Variants in BLK observed in about 807,000 individuals in gnomAD.
BLK encodes the protein tyrosine-protein kinase Blk.
In BLK, 64 loss-of-function variants were observed where a neutral mutation model predicts 61.8. The observed-to-expected ratio is 1.03, with a 90% CI of 0.85 to 1.27. BLK has a LOEUF of 1.27. BLK is among the 50% of genes most tolerant of loss of function. The pLI is 0.00. For synonymous variants in BLK, 351 were observed against 272.0 expected, an observed-to-expected ratio of 1.29 and a Z score of -2.86; for missense variants, 853 against 660.5, an observed-to-expected ratio of 1.29 and a Z score of -3.19.
At position 11,543,212 on chromosome 8, in the gene BLK, T is replaced by C; in HGVS notation, c.-1-12T>C. On this transcript the variant is annotated splice_polypyrimidine_tract_variant and intron_variant, in intron 1 of 12. Coordinates refer to ENST00000259089, the MANE Select transcript of BLK (RefSeq NM_001715.3). ...TCTCTCATGTCCTCTGTCTGCTGTG[T>C]GTCTCCGACAGGATGGGGCTGGTAA... 1 of 1,613,794 alleles carries C rather than the reference T, an allele frequency of 6.2e-7. No individual in the cohort carries two copies. Among genetic ancestry groups the C allele is most frequent in the South Asian group, 1.1e-5 (1 of 91,068 alleles).
rs762667744 is a variant in BLK at position 11,563,123 on chromosome 8, CCCCGCAGCTCGCGGCT to C, written c.1312+17_1312+32del. 4 of 1,613,444 alleles carry C rather than the reference CCCCGCAGCTCGCGGCT, an allele frequency of 2.5e-6. No homozygotes were observed. The highest frequency in any genetic ancestry group is 3.4e-6 in the Non-Finnish European group (4 of 1,179,970). On this transcript the variant is annotated intron_variant, in intron 12 of 12. Transcript: ENST00000259089. ...GTGCCATACCCAGGTAGGTGGCTCA[CCCCGCAGCTCGCGGCT>C]CCCTGCTTTCCCGGCCGGCCCTGAT...
chr8:11,557,878 G>A (rs1159916661), intron 9 of BLK, 84 bp from the exon 10 acceptor site: 6 of 1,246,672 alleles, frequency 4.8e-6, no homozygotes, highest in Non-Finnish European at 7.1e-6. Flanking sequence ...GCGCCCATGG[G>A]GAGCCACTCA....
intron 1 of BLK, among the ~76,000 whole-genome samples, chr8:11,534,219 T>C (rs1800017804): frequency 6.6e-6 from 1 of 152,244 alleles, no homozygotes; most frequent in South Asian, 2.1e-4. Flanking sequence ...TGATTTGATT[T>C]CTCATTTAAT....
intron 10 of BLK, among the ~76,000 whole-genome samples, chr8:11,559,175 T>G (rs1408242827): frequency 1.3e-5 from 2 of 152,144 alleles, no homozygotes; most frequent in African/African-American, 4.8e-5. Flanking sequence ...CATCGGAGTT[T>G]AATACCTGGA....
Position 11,523,335 on chromosome 8 carries a change from C to G in BLK, c.-1-19889C>G, listed in dbSNP as rs572222815. 1.8e-4 allele frequency among the ~76,000 whole-genome samples: 28 copies of G among 152,298 alleles called. 1 individual carries two copies. The South Asian group carries it at 3.3e-3, about 18-fold the overall frequency. On this transcript the variant is annotated intron_variant, in intron 1 of 12. Transcript: ENST00000259089. Reference sequence around the variant, plus strand: ...TTGAGAGACCAAGGCAGGAGGATCACTTGAAGTCAGGTGTTTGAGTACAGC... The same window carrying G: ...TTGAGAGACCAAGGCAGGAGGATCAGTTGAAGTCAGGTGTTTGAGTACAGC...
intron 4 of BLK, among the ~76,000 whole-genome samples, chr8:11,548,596 C>T (rs990507177): frequency 1.1e-4 from 16 of 152,224 alleles, no homozygotes; most frequent in African/African-American, 3.6e-4. Context: ...AGTGGCCAGG[C>T]TTGTCCTGTG....
chr8:11,545,792 T>C (rs533018256), intron 2 of BLK: 10 of 516,968 alleles, frequency 1.9e-5, no homozygotes, highest in African/African-American at 1.7e-4. Context: ...TTTCCCTCAT[T>C]GTCCACAGCT....
intron 1 of BLK, among the ~76,000 whole-genome samples, chr8:11,514,672 G>T (rs1253406616): frequency 6.6e-6 from 1 of 152,182 alleles, no homozygotes; most frequent in Non-Finnish European, 1.5e-5. Context: ...TAGCCCGTGA[G>T]CCTGCTTTCT....
chr8:11,564,195 G>A lies in BLK; in HGVS notation c.*87G>A. The A allele has an allele frequency of 6.9e-7, 1 of 1,442,060 alleles. No individual in the cohort carries two copies. Among genetic ancestry groups the A allele is most frequent in the African/African-American group, 1.4e-5 (1 of 71,324 alleles). 89.3% of individuals were successfully genotyped at this position (1,442,060 alleles called of 1,614,324 possible). ...ATCCCAGACGGGCCGCGAAGGCGGG[G>A]TGTCGCCTGTGCCCTTTTCTCAGAC... On this transcript the variant is annotated 3_prime_UTR_variant, in exon 13 of 13. Coordinates refer to ENST00000259089, the MANE Select transcript of BLK (RefSeq NM_001715.3).
rs1178740619 is a variant in BLK at position 11,557,986 on chromosome 8, C to G, written c.977C>G (p.Thr326Arg). The G allele has an allele frequency of 6.2e-7, 1 of 1,614,092 alleles. No individual in the cohort carries two copies. Among genetic ancestry groups the G allele is most frequent in the Middle Eastern group, 1.6e-4 (1 of 6,062 alleles). ...GGATGCCTGCTGGATTTCCTGAAGA[C>G]AGATGAAGGGAGCAGATTGTCACTC... ...ARGCLLDFLK[T>R]DEGSRLSLPR... The change falls in exon 10 of 13, where the codon ACA becomes AGA. Residue 326 changes from threonine (T) to arginine (R), a missense_variant. Physicochemically the swap from Thr to Arg is moderately conservative, Grantham distance 71 (BLOSUM62 -1). Coordinates refer to ENST00000259089, the MANE Select transcript of BLK (RefSeq NM_001715.3).
chr8:11,530,722 A>G (rs1799851078), intron 1 of BLK, among the ~76,000 whole-genome samples: 1 of 10,208 alleles, frequency 9.8e-5, no homozygotes, highest in South Asian at 6.8e-3. Context: ...AACAAAAAGA[A>G]TCAGCAACAA....
At chr8:11,499,161 C>T (rs999561439) in intron 1 of BLK, among the ~76,000 whole-genome samples, 1 of 152,208 alleles carries the variant, frequency 6.6e-6, no homozygotes, top group Non-Finnish European at 1.5e-5. Context: ...TTGCCTGTAC[C>T]TGTTCTATGT....
chr8:11,518,197 C>A (rs918111301), intron 1 of BLK, among the ~76,000 whole-genome samples: 26 of 152,150 alleles, frequency 1.7e-4, no homozygotes, highest in African/African-American at 4.8e-4. Flanking sequence ...CTTGGCTTGG[C>A]GGTCTTTCCC....
chr8:11,526,700 C>G (rs148555499), intron 1 of BLK, among the ~76,000 whole-genome samples: 3,043 of 152,252 alleles, frequency 0.02, 91 homozygotes, highest in African/African-American at 0.069. Context: ...GCCTGGGGGA[C>G]AGAGCAAGAC....
In BLK at chr8:11,546,112, G is replaced by T; in HGVS notation, c.175+9G>T. On this transcript the variant is annotated intron_variant, in intron 3 of 12. Transcript: ENST00000259089. ...TGAACACCTGGATGAAGGTAAGAAG[G>T]GTGGTTTGGGAAGCTGAGGCTCCAC... 6 of 1,614,182 alleles carry T rather than the reference G, an allele frequency of 3.7e-6. 1 individual carries two copies. Among genetic ancestry groups the T allele is most frequent in the Middle Eastern group, 3.3e-4 (2 of 6,062 alleles).
chr8:11,559,922 C>CT, intron 10 of BLK: 4 of 442,472 alleles, frequency 9.0e-6, no homozygotes, highest in Non-Finnish European at 1.4e-5. Flanking sequence ...ATCTGGGCAG[C>CT]TTCTTCTTGA....
intron 1 of BLK, among the ~76,000 whole-genome samples, chr8:11,536,414 A>G (rs1005077872): frequency 1.3e-5 from 2 of 152,100 alleles, no homozygotes; most frequent in Non-Finnish European, 2.9e-5. Flanking sequence ...TTTTTTTGAG[A>G]CAGTCTCACT....
intron 1 of BLK, among the ~76,000 whole-genome samples, chr8:11,514,498 C>G (rs1220961435): frequency 6.6e-6 from 1 of 152,244 alleles, no homozygotes; most frequent in Non-Finnish European, 1.5e-5. Flanking sequence ...GTGGAGGACC[C>G]TTCTTGCACG....
chr8:11,533,581 CCGG>C, intron 1 of BLK, among the ~76,000 whole-genome samples: 1 of 95,662 alleles, frequency 1.0e-5, no homozygotes, highest in Non-Finnish European at 2.5e-5. Flanking sequence ...TCCCTGTCTG[CCGG>C]AGGAGGAGGA....
Sources: allele counts gnomAD v4.1 joint callset (sites outside exome capture counted in the v4.1 genomes callset), GRCh38; gene constraint gnomAD v4.1.1; transcripts MANE v1.5; gene names NCBI Gene and HGNC (gene_info 2026-07-23, HGNC 2026-07-21).